DCDC2: variants seen among roughly 807,000 people sequenced by gnomAD.
DCDC2 encodes doublecortin domain containing 2, also known as doublecortin domain-containing protein 2.
In DCDC2, 40 loss-of-function variants were observed where a neutral mutation model predicts 50.2. The observed-to-expected ratio is 0.80, with a 90% CI of 0.62 to 1.04. The LOEUF (loss-of-function observed/expected upper bound fraction) is 1.04. Ranked by LOEUF, DCDC2 falls within the 50% of genes least tolerant of loss-of-function variation. The pLI, the probability that DCDC2 is intolerant of heterozygous loss-of-function variation, is 0.00. For synonymous variants in DCDC2, 234 were observed against 210.6 expected (o/e 1.11, Z -0.96); for missense variants, 570 against 581.9 (o/e 0.98, Z 0.21).
At chr6:24,205,422 T>C in intron 7 of DCDC2, 3 of 1,197,020 alleles carry the variant, frequency 2.5e-6, no homozygotes, top group Non-Finnish European at 3.4e-6. Context: ...TTCACAAGTA[T>C]CATCCCAGTT....
chr6:24,204,878 C>A, intron 8 of DCDC2, 124 bp downstream of exon 8: 1 of 854,138 alleles, frequency 1.2e-6, no homozygotes, highest in Non-Finnish European at 1.8e-6. Flanking sequence ...GGTTGATCAG[C>A]CACATAGTAC....
chr6:24,209,873 C>A (rs757380568), intron 7 of DCDC2, among the ~76,000 whole-genome samples: 5 of 152,202 alleles, frequency 3.3e-5, no homozygotes, highest in Admixed American at 6.5e-5. Flanking sequence ...TCCTCACCCC[C>A]ACACTTTCCC....
intron 2 of DCDC2, among the ~76,000 whole-genome samples, chr6:24,320,983 C>T (rs1252573218): frequency 2.0e-5 from 3 of 150,604 alleles, no homozygotes; most frequent in Admixed American, 2.0e-4. Context: ...AACAGCAGGG[C>T]CATACTGGAA....
chr6:24,365,583 C>T, the DCDC2 span: 1 of 152,182 alleles, frequency 6.6e-6, no homozygotes, highest in African/African-American at 2.4e-5. Context: ...TAAGCCACCA[C>T]ATCCAGCCTA....
intron 4 of DCDC2, among the ~76,000 whole-genome samples, chr6:24,291,695 C>T (rs907002813): frequency 2.0e-5 from 3 of 151,678 alleles, no homozygotes; most frequent in African/African-American, 2.4e-5. Flanking sequence ...CCGTTTTAGC[C>T]GGGATGGTCT....
Position 24,247,504 on chromosome 6 carries a change from A to G in DCDC2, c.922+30545T>C, listed in dbSNP as rs140095112. ...AATGGTTTGAGGGCCCTAGTCATCT[A>G]GAGATGGAGTACACTGAAGATAGGG... On this transcript the variant is annotated intron_variant, in intron 7 of 9. Coordinates refer to ENST00000378454, the MANE Select transcript of DCDC2 (RefSeq NM_016356.5). Among the ~76,000 whole-genome samples, 329 of 152,248 alleles carry G rather than the reference A, an allele frequency of 2.2e-3. 3 individuals carry two copies. Among genetic ancestry groups the G allele is most frequent in the Admixed American group, 0.02 (306 of 15,286 alleles).
chr6:24,370,792 C>T, the DCDC2 span, among the ~76,000 whole-genome samples: 4 of 152,128 alleles, frequency 2.6e-5, no homozygotes, highest in African/African-American at 9.7e-5. Context: ...ATATGTTATA[C>T]ATGAATGTTC....
At chr6:24,382,495 C>T in the DCDC2 span, among the ~76,000 whole-genome samples, 1 of 152,056 alleles carries the variant, frequency 6.6e-6, no homozygotes, top group South Asian at 2.1e-4. Flanking sequence ...GCTTGCTGCC[C>T]ATACAAATTA....
At chr6:24,316,463 A>G (rs1442851025) in intron 2 of DCDC2, among the ~76,000 whole-genome samples, 2 of 152,142 alleles carry the variant, frequency 1.3e-5, no homozygotes. Flanking sequence ...GGATGCCACT[A>G]ATGGAAATAT....
At chr6:24,230,655 A>T (rs959161013) in intron 7 of DCDC2, among the ~76,000 whole-genome samples, 1 of 152,168 alleles carries the variant, frequency 6.6e-6, no homozygotes, top group Non-Finnish European at 1.5e-5. Context: ...AAACAAAACA[A>T]AACAAAACAT....
rs373639778 is a variant in DCDC2, at chr6:24,181,114, G to A, written c.1024-2482C>T. Among the ~76,000 whole-genome samples the A allele has an allele frequency of 1.4e-3, 216 of 152,254 alleles. No homozygotes were observed. In the South Asian group the frequency reaches 0.026, roughly 19 times the overall value. ...ATTCGGATGCTTAAGGTCAAATAGCGGAGAGTCCTAACTATCCCTCAGCAT... is the reference window on the plus strand; with the variant it reads ...ATTCGGATGCTTAAGGTCAAATAGCAGAGAGTCCTAACTATCCCTCAGCAT... On this transcript the variant is annotated intron_variant, in intron 8 of 9. Coordinates refer to ENST00000378454, the MANE Select transcript of DCDC2 (RefSeq NM_016356.5).
intron 4 of DCDC2, among the ~76,000 whole-genome samples, chr6:24,299,064 T>C (rs1186672262): frequency 6.6e-6 from 1 of 152,134 alleles, no homozygotes; most frequent in Non-Finnish European, 1.5e-5. Context: ...CTATTCACAA[T>C]AGCAAAGATG....
At chr6:24,286,109 T>C (rs1671964346) in intron 6 of DCDC2, among the ~76,000 whole-genome samples, 1 of 152,176 alleles carries the variant, frequency 6.6e-6, no homozygotes, top group African/African-American at 2.4e-5. Context: ...CCCGCACCTG[T>C]GAAGTTAGGT....
chr6:24,301,657 C>T, intron 4 of DCDC2, 58 bp downstream of exon 4: 1 of 1,596,958 alleles, frequency 6.3e-7, no homozygotes, highest in Non-Finnish European at 8.5e-7. Flanking sequence ...CCGGAGCCTC[C>T]TGAGAATATC....
At chr6:24,214,434 T>G (rs1384229897) in intron 7 of DCDC2, among the ~76,000 whole-genome samples, 1 of 152,072 alleles carries the variant, frequency 6.6e-6, no homozygotes, top group East Asian at 1.9e-4. Flanking sequence ...CTCATGAAAA[T>G]CAGAAATATT....
intron 2 of DCDC2, among the ~76,000 whole-genome samples, chr6:24,326,166 A>AAAGGAAGGAAGGAAGGAAGG (rs143866897): frequency 9.4e-5 from 12 of 127,242 alleles, no homozygotes; most frequent in African/African-American, 3.4e-4. Flanking sequence ...GAGAGGAAGG[A>AAAGGAAGGAAGGAAGGAAGG]AAGGAAGGAA....
chr6:24,217,636 ATC>A (rs758831394), intron 7 of DCDC2, among the ~76,000 whole-genome samples: 5 of 152,234 alleles, frequency 3.3e-5, no homozygotes, highest in Non-Finnish European at 5.9e-5. Flanking sequence ...TGCTCATTAA[ATC>A]TGAGTGAGGG....
At chr6:24,358,876 GTAT>G (rs1760549366), upstream of DCDC2, among the ~76,000 whole-genome samples, 1 of 8,482 alleles carries the variant, frequency 1.2e-4, no homozygotes, top group Non-Finnish European at 1.7e-4. Context: ...TAATATATAT[GTAT>G]TATATATATT....
chr6:24,316,107 T>G (rs778946993), intron 2 of DCDC2, among the ~76,000 whole-genome samples: 3 of 152,154 alleles, frequency 2.0e-5, no homozygotes, highest in Non-Finnish European at 2.9e-5. Context: ...GATCCAGAGT[T>G]CAGTCTTGGA....
Sources: gnomAD v4.1 joint callset for allele counts (sites outside exome capture counted in the v4.1 genomes callset) on GRCh38, gnomAD v4.1.1 for gene constraint, MANE v1.5 for transcripts, NCBI Gene and HGNC (gene_info 2026-07-23, HGNC 2026-07-21) for gene names.